AMZ2: variants seen among roughly 807,000 people sequenced by gnomAD.
AMZ2 encodes archaemetzincin-2.
Under a neutral mutation model 36.7 loss-of-function variants are expected in AMZ2, and 26 were observed. The observed-to-expected ratio is 0.71, with a 90% CI of 0.52 to 0.98. The LOEUF (loss-of-function observed/expected upper bound fraction) is 0.98, where lower values mean the gene tolerates loss of function less well. Ranked by LOEUF, AMZ2 falls within the 50% of genes least tolerant of loss-of-function variation. The pLI is 0.00. For missense variants in AMZ2, 394 were observed against 430.5 expected (o/e 0.92, Z 0.75); for synonymous variants, 144 against 149.1 (o/e 0.97, Z 0.25).
At chr17:68,225,780 G>T (rs542411576) in intron 1 of AMZ2, among the ~76,000 whole-genome samples, 2 of 152,066 alleles carry the variant, frequency 1.3e-5, no homozygotes, top group African/African-American at 4.8e-5. Flanking sequence ...CCACCACCAT[G>T]CCCAGCTCAT....
intron 1 of AMZ2, among the ~76,000 whole-genome samples, chr17:68,239,709 C>T (rs2073862623): frequency 6.6e-6 from 1 of 152,204 alleles, no homozygotes; most frequent in Non-Finnish European, 1.5e-5. Flanking sequence ...AAGAAACTTT[C>T]AGGTTCAGAC....
At chr17:68,243,363 G>A (rs140272908), upstream of AMZ2, among the ~76,000 whole-genome samples, 155 of 152,260 alleles carry the variant, frequency 1.0e-3, no homozygotes, top group African/African-American at 3.6e-3. Context: ...TCAAACTCCT[G>A]ACCTCAGGTA....
chr17:68,226,931 A>T (rs1261801942), intron 1 of AMZ2, among the ~76,000 whole-genome samples: 1 of 148,318 alleles, frequency 6.7e-6, no homozygotes, highest in East Asian at 1.9e-4. Flanking sequence ...GCCCTGTGGC[A>T]CAGCAGGGTT....
intron 1 of AMZ2, among the ~76,000 whole-genome samples, chr17:68,227,513 T>C (rs1319556846): frequency 1.3e-5 from 2 of 152,228 alleles, no homozygotes; most frequent in Admixed American, 6.5e-5. Context: ...TACTGCTCAG[T>C]TGTGCACTGG....
chr17:68,254,651 A>C lies in AMZ2; in HGVS notation c.750+84A>C. On this transcript the variant is annotated intron_variant, in intron 5 of 6. Transcript: ENST00000359904. ...ACTGTATATTGTCAGTCCGTAAGGT[A>C]ATATTATAAATGAGTTTGTATCATT... 7 of 1,198,120 alleles carry C rather than the reference A, an allele frequency of 5.8e-6. No homozygotes were observed. The South Asian group carries it at 9.3e-5, about 16-fold the overall frequency. The allele number at this position is 1,198,120 out of a possible 1,614,324, so 74.2% of individuals were successfully genotyped here.
intron 1 of AMZ2, among the ~76,000 whole-genome samples, chr17:68,228,704 G>C (rs1158170592): frequency 1.1e-4 from 17 of 152,246 alleles, no homozygotes; most frequent in Non-Finnish European, 1.6e-4. Context: ...CTATTATTAT[G>C]TGCTAGGGGC....
chr17:68,252,053 C>T (rs1369912033), intron 4 of AMZ2, among the ~76,000 whole-genome samples: 2 of 151,920 alleles, frequency 1.3e-5, no homozygotes, highest in Non-Finnish European at 2.9e-5. Flanking sequence ...CTACTTCTCC[C>T]CTCCCCTTAA....
At chr17:68,234,105 G>A (rs1264283484) in intron 1 of AMZ2, among the ~76,000 whole-genome samples, 1 of 152,114 alleles carries the variant, frequency 6.6e-6, no homozygotes, top group Non-Finnish European at 1.5e-5. Flanking sequence ...GCTGAGGCAG[G>A]CAGATCACCT....
chr17:68,247,529 G>A (rs557968829), upstream of AMZ2: 3 of 702,252 alleles, frequency 4.3e-6, no homozygotes, highest in East Asian at 2.7e-4. Flanking sequence ...ACGAGGACGC[G>A]CCCCACACTT....
intron 1 of AMZ2, among the ~76,000 whole-genome samples, chr17:68,220,851 C>T (rs1278206558): frequency 2.0e-5 from 3 of 147,844 alleles, no homozygotes; most frequent in South Asian, 2.1e-4. Flanking sequence ...GGTGCGATCT[C>T]GGCTCACTAC....
intron 1 of AMZ2, among the ~76,000 whole-genome samples, chr17:68,209,610 G>A (rs58598249): frequency 0.05 from 5,330 of 107,302 alleles, 170 homozygotes; most frequent in East Asian, 0.15. Flanking sequence ...GTGTGTATAT[G>A]TATATATATA....
At chr17:68,219,191 G>T (rs193065266) in intron 1 of AMZ2, among the ~76,000 whole-genome samples, 18 of 152,092 alleles carry the variant, frequency 1.2e-4, no homozygotes, top group East Asian at 5.8e-4. Context: ...GGTCTTGAAC[G>T]CCTGACCTTG....
At chr17:68,251,363 A>G (rs1555739777) in intron 4 of AMZ2, 185 bp downstream of exon 4, 2 of 602,684 alleles carry the variant, frequency 3.3e-6, no homozygotes, top group African/African-American at 1.9e-5. Context: ...CTGGTTGGCC[A>G]CTCACTACCT....
At chr17:68,210,262 A>G (rs1445012651) in intron 1 of AMZ2, among the ~76,000 whole-genome samples, 1 of 152,240 alleles carries the variant, frequency 6.6e-6, no homozygotes, top group Non-Finnish European at 1.5e-5. Context: ...CATTATTCTC[A>G]ATGACCAAAA....
At chr17:68,231,781 A>T (rs1208686999) in intron 1 of AMZ2, among the ~76,000 whole-genome samples, 13 of 152,208 alleles carry the variant, frequency 8.5e-5, no homozygotes, top group African/African-American at 3.1e-4. Flanking sequence ...GAAATTAGGG[A>T]ACTAGGATTT....
upstream of AMZ2, chr17:68,247,905 G>A (rs1175660358): frequency 1.0e-6 from 1 of 985,630 alleles, no homozygotes; most frequent in African/African-American, 1.7e-5. Flanking sequence ...CTCCAGCTCT[G>A]CGCCTGCCCA....
intron 6 of AMZ2, among the ~76,000 whole-genome samples, chr17:68,256,355 A>G (rs2074904342): frequency 6.6e-6 from 1 of 152,246 alleles, no homozygotes; most frequent in Non-Finnish European, 1.5e-5. Context: ...ATCAATATAC[A>G]TTCATGTGTC....
chr17:68,211,788 A>ATATGTATATGTATATATGTATG (rs2073065257), intron 1 of AMZ2, among the ~76,000 whole-genome samples: 3 of 79,532 alleles, frequency 3.8e-5, no homozygotes, highest in African/African-American at 1.5e-4. Context: ...ATATATGTAT[A>ATATGTATATGTATATATGTATG]TGTATATATG....
At chr17:68,238,314 T>C (rs1297526805) in intron 1 of AMZ2, among the ~76,000 whole-genome samples, 1 of 152,144 alleles carries the variant, frequency 6.6e-6, no homozygotes, top group Non-Finnish European at 1.5e-5. Flanking sequence ...TCTAAAGTGC[T>C]AGGATTACAG....
Sources: gnomAD v4.1 joint callset for allele counts (sites outside exome capture counted in the v4.1 genomes callset) on GRCh38, gnomAD v4.1.1 for gene constraint, MANE v1.5 for transcripts, NCBI Gene and HGNC (gene_info 2026-07-23, HGNC 2026-07-21) for gene names.